The following PIK3AP1 variants were observed in gnomAD, a reference collection of about 807,000 sequenced individuals.
The protein encoded by PIK3AP1 is phosphoinositide 3-kinase adapter protein 1.
A neutral mutation model predicts 88.1 loss-of-function variants in PIK3AP1; 21 were observed. That is an observed-to-expected ratio of 0.24 (90% CI 0.17 to 0.34). The LOEUF (loss-of-function observed/expected upper bound fraction) is 0.34. Ranked by LOEUF, PIK3AP1 falls within the 10% of genes least tolerant of loss-of-function variation. PIK3AP1 has a pLI of 1.00. For synonymous variants in PIK3AP1, 398 were observed against 400.0 expected (o/e 1.00, Z 0.06); for missense variants, 828 against 1,035.7 (o/e 0.80, Z 2.75).
chr10:96,700,816 A>G (rs1844287418), intron 2 of PIK3AP1: 1 of 985,548 alleles, frequency 1.0e-6, no homozygotes, highest in Middle Eastern at 5.2e-4. Context: ...CTGCGAGGCC[A>G]CGACACCGAG....
At chr10:96,711,475 G>A (rs1298428677) in intron 1 of PIK3AP1, among the ~76,000 whole-genome samples, 1 of 152,238 alleles carries the variant, frequency 6.6e-6, no homozygotes, top group Non-Finnish European at 1.5e-5. Context: ...AGAGAAGGAA[G>A]CTGGTCACAT....
At chr10:96,611,279 A>C (rs1849104372) in intron 13 of PIK3AP1, among the ~76,000 whole-genome samples, 1 of 152,032 alleles carries the variant, frequency 6.6e-6, no homozygotes, top group Non-Finnish European at 1.5e-5. Flanking sequence ...GTTTTGTGTA[A>C]TCCAGGTCTT....
chr10:96,631,652 G>T (rs1357505424), intron 8 of PIK3AP1, among the ~76,000 whole-genome samples: 1 of 152,176 alleles, frequency 6.6e-6, no homozygotes, highest in African/African-American at 2.4e-5. Context: ...AATTTGGGAG[G>T]CCAAGGCGGG....
intron 2 of PIK3AP1, among the ~76,000 whole-genome samples, chr10:96,660,683 C>G (rs1357852831): frequency 6.6e-6 from 1 of 152,162 alleles, no homozygotes; most frequent in Non-Finnish European, 1.5e-5. Flanking sequence ...TGAAAACTTA[C>G]AGTCACACAA....
At chr10:96,643,511 G>A (rs1046061955) in intron 8 of PIK3AP1, among the ~76,000 whole-genome samples, 1 of 152,162 alleles carries the variant, frequency 6.6e-6, no homozygotes, top group African/African-American at 2.4e-5. Flanking sequence ...CCATGCCAAG[G>A]CACAGCTCAT....
intron 2 of PIK3AP1, among the ~76,000 whole-genome samples, chr10:96,690,315 T>A (rs1844134058): frequency 6.6e-6 from 1 of 152,184 alleles, no homozygotes; most frequent in Admixed American, 6.5e-5. Context: ...TGGAGAGAAG[T>A]GCAGTGGTGC....
chr10:96,693,548 T>C (rs897612185), intron 2 of PIK3AP1, among the ~76,000 whole-genome samples: 3 of 152,198 alleles, frequency 2.0e-5, no homozygotes, highest in Non-Finnish European at 4.4e-5. Flanking sequence ...AAATGCAGGG[T>C]AGAGGAAGAG....
intron 2 of PIK3AP1, among the ~76,000 whole-genome samples, chr10:96,665,826 T>A (rs1843753162): frequency 6.6e-6 from 1 of 151,970 alleles, no homozygotes. Flanking sequence ...CACAAGGAGA[T>A]TTTCCTGTAC....
rs970296560 is a variant in PIK3AP1, at chr10:96,593,714, C to G, written c.*1863G>C. On this transcript the variant is annotated 3_prime_UTR_variant, in exon 17 of 17. Coordinates refer to ENST00000339364, the MANE Select transcript of PIK3AP1 (RefSeq NM_152309.3). ...TCACTGAGGGAACATTTGAAGAATG[C>G]TACTAAGTGCCAGGTCCTGTACAAG... 6.6e-6 allele frequency: 1 copy of G among 152,198 alleles called. No individual in the cohort carries two copies. Among genetic ancestry groups the G allele is most frequent in the Non-Finnish European group, 1.5e-5 (1 of 68,034 alleles). 9.4% of individuals were successfully genotyped at this position (152,198 alleles called of 1,614,324 possible). A position where few individuals can be genotyped will look rare whatever the true frequency, so the allele number is the denominator to read the frequency against.
intron 2 of PIK3AP1, among the ~76,000 whole-genome samples, chr10:96,667,675 G>A (rs1843783375): frequency 1.3e-5 from 2 of 151,764 alleles, no homozygotes; most frequent in South Asian, 4.2e-4. Context: ...GCGTCAAGTT[G>A]GATGATAAAG....
intron 2 of PIK3AP1, among the ~76,000 whole-genome samples, chr10:96,681,733 A>G (rs1388146775): frequency 6.6e-6 from 1 of 152,180 alleles, no homozygotes; most frequent in African/African-American, 2.4e-5. Flanking sequence ...GGTTATCAGA[A>G]GGCAAATTTG....
chr10:96,626,691 T>C lies in PIK3AP1; in HGVS notation c.1669+17A>G, dbSNP rs755038842. ...GCTCCAAAGACCCAGTTGGACATCA[T>C]TCCCTGCCATACTTGCCTTTAAAAA... On this transcript the variant is annotated intron_variant, in intron 10 of 16. Coordinates refer to ENST00000339364, the MANE Select transcript of PIK3AP1 (RefSeq NM_152309.3). The C allele has an allele frequency of 1.2e-6, 2 of 1,611,960 alleles. No individual in the cohort carries two copies. Among genetic ancestry groups the C allele is most frequent in the Admixed American group, 3.3e-5 (2 of 59,924 alleles).
At chr10:96,708,795 A>G (rs1233580896) in intron 2 of PIK3AP1, among the ~76,000 whole-genome samples, 4 of 152,054 alleles carry the variant, frequency 2.6e-5, no homozygotes, top group Non-Finnish European at 4.4e-5. Context: ...CTGGTGGGAA[A>G]TAGAGAAGAG....
chr10:96,694,346 A>T (rs1213932934), intron 2 of PIK3AP1, among the ~76,000 whole-genome samples: 1 of 152,164 alleles, frequency 6.6e-6, no homozygotes, highest in Non-Finnish European at 1.5e-5. Flanking sequence ...TGATGAATAT[A>T]AACATAAATT....
At chr10:96,686,641 T>A (rs986206686) in intron 2 of PIK3AP1, among the ~76,000 whole-genome samples, 5 of 152,144 alleles carry the variant, frequency 3.3e-5, no homozygotes, top group Non-Finnish European at 7.3e-5. Flanking sequence ...ATTCACCCAG[T>A]CAGCCCTCAG....
intron 2 of PIK3AP1, among the ~76,000 whole-genome samples, chr10:96,704,312 C>T (rs530439207): frequency 1.3e-5 from 2 of 152,152 alleles, no homozygotes; most frequent in Middle Eastern, 3.2e-3. Context: ...ACTTCCCATG[C>T]GACAGAGGTA....
At chr10:96,703,005 T>C (rs1844319260) in intron 2 of PIK3AP1, among the ~76,000 whole-genome samples, 1 of 152,160 alleles carries the variant, frequency 6.6e-6, no homozygotes, top group Admixed American at 6.5e-5. Context: ...GCCTCTCCGG[T>C]AGCTGGGATC....
At chr10:96,682,196 G>A (rs1346978487) in intron 2 of PIK3AP1, among the ~76,000 whole-genome samples, 1 of 152,120 alleles carries the variant, frequency 6.6e-6, no homozygotes, top group Non-Finnish European at 1.5e-5. Flanking sequence ...CTTAACTTAA[G>A]GGGCAAAGCC....
intron 2 of PIK3AP1, among the ~76,000 whole-genome samples, chr10:96,692,340 C>T (rs1201765128): frequency 6.6e-6 from 1 of 152,092 alleles, no homozygotes; most frequent in Non-Finnish European, 1.5e-5. Context: ...CTTTGGGAGG[C>T]CAAGGCAGGC....
Sources: allele counts gnomAD v4.1 joint callset (sites outside exome capture counted in the v4.1 genomes callset), GRCh38; gene constraint gnomAD v4.1.1; transcripts MANE v1.5; gene names NCBI Gene and HGNC (gene_info 2026-07-23, HGNC 2026-07-21).